The following KIAA1958 variants were observed in gnomAD, a reference collection of about 807,000 sequenced individuals.
The protein encoded by KIAA1958 is KIAA1958, also known as uncharacterized protein KIAA1958.
A neutral mutation model predicts 47.2 loss-of-function variants in KIAA1958; 14 were observed. That is an observed-to-expected ratio of 0.30 (90% CI 0.20 to 0.46). The LOEUF (loss-of-function observed/expected upper bound fraction) is 0.46, where lower values mean the gene tolerates loss of function less well. KIAA1958 is among the 20% of genes least tolerant of loss of function. The pLI is 1.00. For missense variants in KIAA1958, 803 were observed against 909.2 expected (o/e 0.88, Z 1.50); for synonymous variants, 354 against 353.3 (o/e 1.00, Z -0.02).
At chr9:112,519,498 G>A (rs1405395319) in intron 1 of KIAA1958, among the ~76,000 whole-genome samples, 4 of 152,122 alleles carry the variant, frequency 2.6e-5, no homozygotes, top group Non-Finnish European at 5.9e-5. Flanking sequence ...AAGCTTTATC[G>A]AAAACATAGG....
intron 1 of KIAA1958, among the ~76,000 whole-genome samples, chr9:112,521,580 T>C (rs1834545109): frequency 6.6e-6 from 1 of 152,178 alleles, no homozygotes; most frequent in Non-Finnish European, 1.5e-5. Context: ...ATCATGTTAA[T>C]TTTTAGTTTT....
At chr9:112,622,648 T>C (rs1285957210) in intron 2 of KIAA1958, among the ~76,000 whole-genome samples, 1 of 152,244 alleles carries the variant, frequency 6.6e-6, no homozygotes, top group African/African-American at 2.4e-5. Context: ...TATGGTTAAA[T>C]TTTCCCTATG....
intron 3 of KIAA1958, among the ~76,000 whole-genome samples, chr9:112,657,030 GATT>G (rs1837163513): frequency 6.6e-6 from 1 of 151,944 alleles, no homozygotes; most frequent in Non-Finnish European, 1.5e-5. Context: ...TCTTTTCAAA[GATT>G]ACATTTTTAT....
At chr9:112,535,494 A>G (rs989937937) in intron 1 of KIAA1958, among the ~76,000 whole-genome samples, 1 of 152,060 alleles carries the variant, frequency 6.6e-6, no homozygotes, top group Non-Finnish European at 1.5e-5. Flanking sequence ...GTTGATGCAC[A>G]CTTAGGCTGC....
At chr9:112,529,839 T>C (rs1834722285) in intron 1 of KIAA1958, among the ~76,000 whole-genome samples, 1 of 31,710 alleles carries the variant, frequency 3.2e-5, no homozygotes, top group Admixed American at 3.5e-4. Flanking sequence ...TAGACTCCTC[T>C]TACTTTTTTT....
rs369970291 is a variant in KIAA1958, at chr9:112,515,707, A to C, written c.-25+28589A>C. Among the ~76,000 whole-genome samples, 339 of 80,226 alleles carry C rather than the reference A, an allele frequency of 4.2e-3. 14 individuals carry two copies. The East Asian group carries it at 0.064, about 15-fold the overall frequency. 52.6% of individuals were successfully genotyped at this position (80,226 alleles called of 152,430 possible). On this transcript the variant is annotated intron_variant, in intron 1 of 3. Coordinates refer to ENST00000337530, the MANE Select transcript of KIAA1958 (RefSeq NM_133465.4). Reference sequence around the variant, plus strand: ...GGCAGCATGCTCGTTAAGAGTCATCACCAATCCCTAATCTCAAGTAATCAG... The same window carrying C: ...GGCAGCATGCTCGTTAAGAGTCATCCCCAATCCCTAATCTCAAGTAATCAG...
At chr9:112,625,667 AC>A (rs1041982377) in intron 2 of KIAA1958, among the ~76,000 whole-genome samples, 4 of 152,154 alleles carry the variant, frequency 2.6e-5, no homozygotes, top group African/African-American at 9.7e-5. Flanking sequence ...TGTTTTTAAA[AC>A]CCACAAATTT....
intron 2 of KIAA1958, among the ~76,000 whole-genome samples, chr9:112,638,762 T>G (rs1836848780): frequency 6.6e-6 from 1 of 152,228 alleles, no homozygotes; most frequent in Non-Finnish European, 1.5e-5. Context: ...CCCATGTGTC[T>G]ATTTTGCTAT....
rs563268167 is a variant in KIAA1958 at position 112,537,840 on chromosome 9, A to G, written c.-24-36217A>G. Among the ~76,000 whole-genome samples, 11 of 152,354 alleles carry G rather than the reference A, an allele frequency of 7.2e-5. No homozygotes were observed. The East Asian group carries it at 2.1e-3, about 29-fold the overall frequency. On this transcript the variant is annotated intron_variant, in intron 1 of 3. Transcript: ENST00000337530. ...TATTTAGAGCAGGGAAAATGAAACT[A>G]TTATTTGAATGGAGAAATTTAGGAA...
At chr9:112,541,454 ACATT>A (rs1261379324) in intron 1 of KIAA1958, among the ~76,000 whole-genome samples, 2 of 152,218 alleles carry the variant, frequency 1.3e-5, no homozygotes. Context: ...AGAAGTTCTT[ACATT>A]CAGGCAAAAA....
chr9:112,510,145 G>C lies in KIAA1958; in HGVS notation c.-25+23027G>C, dbSNP rs868615283. Among the ~76,000 whole-genome samples, 4 of 152,168 alleles carry C rather than the reference G, an allele frequency of 2.6e-5. No homozygotes were observed. In the South Asian group the frequency reaches 8.3e-4, roughly 32 times the overall value. ...TAAGTAAGGTAAGGGAGAAAGGAAA[G>C]GTGAAACTGTTTGGGAGAAGCTGGT... On this transcript the variant is annotated intron_variant, in intron 1 of 3. Transcript: ENST00000337530.
intron 1 of KIAA1958, among the ~76,000 whole-genome samples, chr9:112,535,526 G>A (rs1295831115): frequency 6.6e-6 from 1 of 152,022 alleles, no homozygotes; most frequent in Non-Finnish European, 1.5e-5. Flanking sequence ...GGCTGTTGTG[G>A]ATAATGCTGC....
rs1837389820 is a variant in KIAA1958, at chr9:112,669,249, CTAGTTGA to C, written c.*9185_*9191del. On this transcript the variant is annotated 3_prime_UTR_variant, in exon 4 of 4. Transcript: ENST00000337530. Reference sequence around the variant, plus strand: ...TTTTTTGTTCCTCCAGTCCGGCCCTCTAGTTGATAGTCCAGTAGTCTGTTAACAATTT... The same window carrying C: ...TTTTTTGTTCCTCCAGTCCGGCCCTCTAGTCCAGTAGTCTGTTAACAATTT... 1 of 152,130 alleles carries C rather than the reference CTAGTTGA, an allele frequency of 6.6e-6. No homozygotes were observed. The highest frequency in any genetic ancestry group is 2.4e-5 in the African/African-American group (1 of 41,404). 9.4% of individuals were successfully genotyped at this position (152,130 alleles called of 1,614,324 possible).
At chr9:112,497,180 G>A (rs1174356287) in intron 1 of KIAA1958, among the ~76,000 whole-genome samples, 1 of 152,114 alleles carries the variant, frequency 6.6e-6, no homozygotes, top group African/African-American at 2.4e-5. Context: ...CCAGGATATT[G>A]ACTATTTATG....
At chr9:112,537,718 C>T (rs1834879732) in intron 1 of KIAA1958, among the ~76,000 whole-genome samples, 1 of 152,208 alleles carries the variant, frequency 6.6e-6, no homozygotes, top group Admixed American at 6.5e-5. Context: ...GTGATAACCA[C>T]TTAGGAAAAT....
chr9:112,634,389 C>T (rs1352612984), intron 2 of KIAA1958, among the ~76,000 whole-genome samples: 7 of 152,002 alleles, frequency 4.6e-5, no homozygotes, highest in African/African-American at 1.4e-4. Flanking sequence ...CCACCATGCC[C>T]GGCTAATTTT....
chr9:112,613,770 G>A (rs1836366262), intron 2 of KIAA1958, among the ~76,000 whole-genome samples: 1 of 152,200 alleles, frequency 6.6e-6, no homozygotes, highest in South Asian at 2.1e-4. Context: ...AAGGTTAACA[G>A]TATTTAGTGT....
In KIAA1958 at chr9:112,606,590, A is replaced by G. The variant is rs532409034; in HGVS notation, c.1171+31339A>G. ...TACTTCAGAAAATTAAGTCATTTTT[A>G]TAGTATATCTTCTTTTATGTTGAGA... is the stretch of plus-strand genomic sequence containing the variant. On this transcript the variant is annotated intron_variant, in intron 2 of 3. Transcript: ENST00000337530. 2.0e-5 allele frequency among the ~76,000 whole-genome samples: 3 copies of G among 152,326 alleles called. No homozygotes were observed. The East Asian group carries it at 5.8e-4, about 29-fold the overall frequency.
chr9:112,534,542 CTTTTTTCTTTTTT>C (rs1834818463), intron 1 of KIAA1958, among the ~76,000 whole-genome samples: 1 of 150,328 alleles, frequency 6.7e-6, no homozygotes, highest in South Asian at 2.1e-4. Context: ...TCATCTTTTT[CTTTTTTCTTTTTT>C]TTTTTGAGAT....
Sources: gnomAD v4.1 joint callset for allele counts (sites outside exome capture counted in the v4.1 genomes callset) on GRCh38, gnomAD v4.1.1 for gene constraint, MANE v1.5 for transcripts, NCBI Gene and HGNC (gene_info 2026-07-23, HGNC 2026-07-21) for gene names.